Variants in PTPRD observed in about 807,000 individuals in gnomAD.
The protein encoded by PTPRD is receptor-type tyrosine-protein phosphatase delta.
Under a neutral mutation model 214.5 loss-of-function variants are expected in PTPRD, and 34 were observed. The ratio of observed to expected loss-of-function variants is 0.16; its 90% CI spans 0.12 to 0.21. The LOEUF is 0.21. PTPRD is among the 10% of genes least tolerant of loss of function. The pLI is 1.00. For missense variants in PTPRD, 2,545 were observed against 2,398.7 expected, an observed-to-expected ratio of 1.06 and a Z score of -1.27; for synonymous variants, 1,128 against 845.7, an observed-to-expected ratio of 1.33 and a Z score of -5.79.
chr9:9,470,571 G>A (rs1017060940), intron 8 of PTPRD, among the ~76,000 whole-genome samples: 18 of 152,120 alleles, frequency 1.2e-4, no homozygotes, highest in Admixed American at 9.8e-4. Context: ...GTAAAAGGGG[G>A]AATAAACATT....
At chr9:8,365,767 C>G (rs2079684816) in intron 39 of PTPRD, among the ~76,000 whole-genome samples, 2 of 152,148 alleles carry the variant, frequency 1.3e-5, no homozygotes, top group Admixed American at 1.3e-4. Context: ...CTTGTAGCTT[C>G]CCCTTTGATG....
intron 10 of PTPRD, among the ~76,000 whole-genome samples, chr9:9,090,151 C>T (rs1357960813): frequency 1.3e-5 from 2 of 152,096 alleles, no homozygotes; most frequent in Non-Finnish European, 2.9e-5. Context: ...TGCTATTGAA[C>T]ACTGGAATTC....
chr9:9,881,754 T>G (rs2068780490), intron 5 of PTPRD, among the ~76,000 whole-genome samples: 1 of 152,096 alleles, frequency 6.6e-6, no homozygotes, highest in African/African-American at 2.4e-5. Context: ...GCAGCTGGAT[T>G]TTCAGAGTAA....
At chr9:8,404,840 C>T (rs145878174) in intron 35 of PTPRD, among the ~76,000 whole-genome samples, 180 bp from the exon 36 acceptor site, 12 of 152,266 alleles carry the variant, frequency 7.9e-5, no homozygotes, top group African/African-American at 2.9e-4. Flanking sequence ...AATGGTTAAT[C>T]ACTGCAGAAA....
intron 4 of PTPRD, among the ~76,000 whole-genome samples, chr9:10,025,029 A>T (rs368653081): frequency 1.6e-3 from 242 of 151,826 alleles, no homozygotes; most frequent in African/African-American, 5.5e-3. Flanking sequence ...CCAGTCTATC[A>T]TTGTTGGACA....
intron 3 of PTPRD, among the ~76,000 whole-genome samples, chr9:10,187,319 C>G (rs1593509134): frequency 6.6e-6 from 1 of 152,036 alleles, no homozygotes; most frequent in African/African-American, 2.4e-5. Context: ...TGCAGTTTAC[C>G]AAAAACTGAG....
intron 7 of PTPRD, among the ~76,000 whole-genome samples, chr9:9,666,170 C>G (rs777186408): frequency 6.6e-6 from 1 of 151,778 alleles, no homozygotes; most frequent in Non-Finnish European, 1.5e-5. Flanking sequence ...GCAACTGAAA[C>G]TTTATTTATA....
At chr9:9,848,560 A>G (rs2059965324) in intron 5 of PTPRD, among the ~76,000 whole-genome samples, 1 of 152,146 alleles carries the variant, frequency 6.6e-6, no homozygotes, top group African/African-American at 2.4e-5. Context: ...GTCCAATATG[A>G]CAGCCTTTAA....
At chr9:8,799,639 C>G (rs1274155829) in intron 11 of PTPRD, among the ~76,000 whole-genome samples, 1 of 152,138 alleles carries the variant, frequency 6.6e-6, no homozygotes, top group Non-Finnish European at 1.5e-5. Context: ...ACTCCAGCTG[C>G]CCTTTCAACT....
chr9:8,912,679 A>G (rs1446934016), intron 11 of PTPRD, among the ~76,000 whole-genome samples: 1 of 152,210 alleles, frequency 6.6e-6, no homozygotes, highest in Admixed American at 6.6e-5. Flanking sequence ...TTTACTAAAA[A>G]TAAAGACAAT....
chr9:8,665,525 G>C (rs910153558), intron 12 of PTPRD, among the ~76,000 whole-genome samples: 1 of 152,194 alleles, frequency 6.6e-6, no homozygotes, highest in African/African-American at 2.4e-5. Flanking sequence ...AAGCTCAACT[G>C]TTAAGTCACT....
At chr9:8,368,346 G>C (rs1382686521) in intron 39 of PTPRD, among the ~76,000 whole-genome samples, 2 of 152,056 alleles carry the variant, frequency 1.3e-5, no homozygotes, top group African/African-American at 4.8e-5. Context: ...TAAGTGATGG[G>C]GAGATGCTCT....
chr9:9,674,657 G>A (rs1215643061), intron 7 of PTPRD, among the ~76,000 whole-genome samples: 7 of 151,644 alleles, frequency 4.6e-5, no homozygotes, highest in African/African-American at 7.2e-5. Flanking sequence ...CTAACTAAGC[G>A]AATTATATTA....
intron 33 of PTPRD, among the ~76,000 whole-genome samples, chr9:8,459,915 C>T (rs1340582299): frequency 6.6e-6 from 1 of 152,006 alleles, no homozygotes; most frequent in African/African-American, 2.4e-5. Flanking sequence ...CTTCCTTAAT[C>T]CTTAATTTTT....
chr9:9,113,547 T>C (rs2099809084), intron 10 of PTPRD, among the ~76,000 whole-genome samples: 1 of 152,020 alleles, frequency 6.6e-6, no homozygotes, highest in Non-Finnish European at 1.5e-5. Context: ...AAACAAAACA[T>C]GGTGAGAAAA....
At chr9:9,623,984 A>C (rs1309448352) in intron 7 of PTPRD, among the ~76,000 whole-genome samples, 2 of 152,172 alleles carry the variant, frequency 1.3e-5, no homozygotes, top group African/African-American at 2.4e-5. Context: ...GTGGGTCTGG[A>C]AACTCAAAAA....
chr9:8,900,801 A>C (rs2098662279), intron 11 of PTPRD, among the ~76,000 whole-genome samples: 1 of 152,214 alleles, frequency 6.6e-6, no homozygotes, highest in Non-Finnish European at 1.5e-5. Flanking sequence ...TTAGGATTGC[A>C]GTTGTAAAAC....
intron 43 of PTPRD, among the ~76,000 whole-genome samples, chr9:8,332,603 C>G (rs929695307): frequency 1.3e-5 from 2 of 152,000 alleles, no homozygotes; most frequent in African/African-American, 4.8e-5. Context: ...TAAAACTGCT[C>G]TGACTCACGA....
At chr9:9,503,664 T>C (rs2096491715) in intron 8 of PTPRD, among the ~76,000 whole-genome samples, 1 of 151,736 alleles carries the variant, frequency 6.6e-6, no homozygotes, top group African/African-American at 2.4e-5. Context: ...GGTAGAAGTG[T>C]GTAAGTTCTC....
Sources: gnomAD v4.1 joint callset for allele counts (sites outside exome capture counted in the v4.1 genomes callset) on GRCh38, gnomAD v4.1.1 for gene constraint, MANE v1.5 for transcripts, NCBI Gene and HGNC (gene_info 2026-07-23, HGNC 2026-07-21) for gene names.